Variants in TENM3 observed in about 807,000 individuals in gnomAD.
The protein encoded by TENM3 is teneurin-3.
A neutral mutation model predicts 255.1 loss-of-function variants in TENM3; 63 were observed. The observed-to-expected ratio is 0.25, with a 90% CI of 0.20 to 0.30. The LOEUF (loss-of-function observed/expected upper bound fraction) is 0.30. Among genes scored for constraint, TENM3 ranks in the 10% least tolerant of loss-of-function variants. The pLI is 1.00. For synonymous variants in TENM3, 1,306 were observed against 1,322.3 expected (o/e 0.99, Z 0.27); for missense variants, 2,929 against 3,461.1 (o/e 0.85, Z 3.86).
the TENM3 span, among the ~76,000 whole-genome samples, chr4:181,526,961 C>T: frequency 6.6e-6 from 1 of 152,174 alleles, no homozygotes; most frequent in Non-Finnish European, 1.5e-5. Flanking sequence ...TGGCCAAGTG[C>T]TGTCTCTGTC....
At chr4:181,771,423 G>C in the TENM3 span, among the ~76,000 whole-genome samples, 3 of 152,134 alleles carry the variant, frequency 2.0e-5, no homozygotes, top group African/African-American at 7.2e-5. Flanking sequence ...GGCTGCCAAG[G>C]GTTGAAGAAA....
chr4:182,527,954 T>C (rs373315616), intron 3 of TENM3, among the ~76,000 whole-genome samples: 1 of 152,112 alleles, frequency 6.6e-6, no homozygotes, highest in South Asian at 2.1e-4. Context: ...TCTCCATCTC[T>C]TGACCTCGTG....
the TENM3 span, among the ~76,000 whole-genome samples, chr4:182,123,821 T>C: frequency 6.6e-6 from 1 of 152,186 alleles, no homozygotes; most frequent in African/African-American, 2.4e-5. Context: ...TTGTAAAATA[T>C]GTGATTTCTG....
At chr4:181,665,727 T>G in the TENM3 span, among the ~76,000 whole-genome samples, 2 of 152,068 alleles carry the variant, frequency 1.3e-5, no homozygotes, top group Non-Finnish European at 2.9e-5. Context: ...GACATAAAAA[T>G]CTAGCACATT....
the TENM3 span, among the ~76,000 whole-genome samples, chr4:181,531,890 G>C: frequency 6.6e-6 from 1 of 152,138 alleles, no homozygotes; most frequent in Non-Finnish European, 1.5e-5. Context: ...CTCAAATCTG[G>C]GAGGTACCGT....
intron 3 of TENM3, among the ~76,000 whole-genome samples, chr4:182,366,286 G>A (rs1478499875): frequency 1.3e-5 from 2 of 151,546 alleles, no homozygotes; most frequent in Non-Finnish European, 2.9e-5. Flanking sequence ...TTATTTACTT[G>A]TGGCCTCTCA....
intron 6 of TENM3, among the ~76,000 whole-genome samples, chr4:182,672,766 C>T (rs1374175153): frequency 1.3e-5 from 2 of 152,056 alleles, no homozygotes; most frequent in Non-Finnish European, 2.9e-5. Context: ...ATGGGCATAC[C>T]TTGGGGGAAG....
At chr4:181,925,402 A>G in the TENM3 span, among the ~76,000 whole-genome samples, 1 of 152,228 alleles carries the variant, frequency 6.6e-6, no homozygotes, top group East Asian at 1.9e-4. Flanking sequence ...AATTTATCAC[A>G]GTGTTACAAT....
chr4:181,482,560 T>C, the TENM3 span, among the ~76,000 whole-genome samples: 1 of 152,116 alleles, frequency 6.6e-6, no homozygotes, highest in East Asian at 1.9e-4. Flanking sequence ...AACTGTAAGG[T>C]ATTGATCTGC....
At chr4:182,517,342 A>T (rs1236166449) in intron 3 of TENM3, among the ~76,000 whole-genome samples, 1 of 149,180 alleles carries the variant, frequency 6.7e-6, no homozygotes, top group African/African-American at 2.5e-5. Context: ...TCTTTTCTGT[A>T]GTCTGTTATT....
At chr4:182,511,260 A>G (rs1184335280) in intron 3 of TENM3, among the ~76,000 whole-genome samples, 1 of 152,216 alleles carries the variant, frequency 6.6e-6, no homozygotes, top group East Asian at 1.9e-4. Flanking sequence ...GAAGATAGAA[A>G]CTGTTCCATA....
upstream of TENM3, among the ~76,000 whole-genome samples, chr4:182,241,871 G>A (rs1280363311): frequency 1.3e-5 from 2 of 151,772 alleles, no homozygotes; most frequent in Non-Finnish European, 2.9e-5. Context: ...TTTTAAAAAC[G>A]CTTCTCCACT....
chr4:181,523,188 C>T, the TENM3 span, among the ~76,000 whole-genome samples: 1 of 152,116 alleles, frequency 6.6e-6, no homozygotes, highest in East Asian at 1.9e-4. Flanking sequence ...CCAATCTCAA[C>T]ATTTGACCAC....
intron 1 of TENM3, among the ~76,000 whole-genome samples, chr4:182,271,704 G>A (rs1759639988): frequency 6.6e-6 from 1 of 152,186 alleles, no homozygotes; most frequent in Admixed American, 6.5e-5. Flanking sequence ...TCAATAAATT[G>A]TATAACGGTA....
chr4:182,004,481 G>A, the TENM3 span, among the ~76,000 whole-genome samples: 1 of 152,064 alleles, frequency 6.6e-6, no homozygotes, highest in African/African-American at 2.4e-5. Flanking sequence ...TCATTGATAG[G>A]CATTTGGGTT....
chr4:182,262,860 C>G (rs528087114), intron 1 of TENM3, among the ~76,000 whole-genome samples: 2 of 151,852 alleles, frequency 1.3e-5, no homozygotes, highest in Non-Finnish European at 2.9e-5. Flanking sequence ...ACTACAGGCA[C>G]CCACCACCAC....
At chr4:181,518,648 C>G in the TENM3 span, among the ~76,000 whole-genome samples, 4 of 152,204 alleles carry the variant, frequency 2.6e-5, no homozygotes, top group East Asian at 7.7e-4. Context: ...AGGCTGGTCT[C>G]GAACTCCTGA....
chr4:182,710,683 C>T (rs994775733), intron 12 of TENM3, among the ~76,000 whole-genome samples: 2 of 152,196 alleles, frequency 1.3e-5, no homozygotes, highest in Non-Finnish European at 2.9e-5. Context: ...GTCCTCCTAC[C>T]ACTTGCATAT....
the TENM3 span, among the ~76,000 whole-genome samples, chr4:181,775,552 A>G: frequency 6.6e-6 from 1 of 152,204 alleles, no homozygotes; most frequent in African/African-American, 2.4e-5. Context: ...GGGAAATTTA[A>G]TAAGTGTACC....
Sources: gnomAD v4.1 joint callset for allele counts (sites outside exome capture counted in the v4.1 genomes callset) on GRCh38, gnomAD v4.1.1 for gene constraint, MANE v1.5 for transcripts, NCBI Gene and HGNC (gene_info 2026-07-23, HGNC 2026-07-21) for gene names.